The following RERG variants were observed in gnomAD, a reference collection of about 807,000 sequenced individuals.
RERG encodes ras-related and estrogen-regulated growth inhibitor.
Under a neutral mutation model 23.2 loss-of-function variants are expected in RERG, and 25 were observed. That is an observed-to-expected ratio of 1.08 (90% CI 0.79 to 1.50). The LOEUF is 1.50. Ranked by LOEUF, RERG falls within the 40% of genes most tolerant of loss-of-function variation. The pLI, the probability that RERG is intolerant of heterozygous loss-of-function variation, is 0.00. For synonymous variants in RERG, 81 were observed against 89.1 expected (o/e 0.91, Z 0.51); for missense variants, 253 against 250.1 (o/e 1.01, Z -0.08).
intron 1 of RERG, among the ~76,000 whole-genome samples, chr12:15,220,517 CTG>C (rs1865498534): frequency 6.6e-6 from 1 of 151,660 alleles, no homozygotes; most frequent in South Asian, 2.1e-4. Context: ...ATTTAGATAA[CTG>C]TAACCTTATT....
intron 2 of RERG, among the ~76,000 whole-genome samples, chr12:15,152,339 G>T (rs1301004173): frequency 6.6e-6 from 1 of 152,156 alleles, no homozygotes. Flanking sequence ...CTTAGATATG[G>T]ACTGATACTT....
chr12:15,152,092 A>C (rs1441769720), intron 2 of RERG: 1 of 152,204 alleles, frequency 6.6e-6, no homozygotes, highest in Admixed American at 6.5e-5. Flanking sequence ...TTTGTTTTGC[A>C]CTTAAAGTAC....
intron 2 of RERG, among the ~76,000 whole-genome samples, chr12:15,153,108 A>G (rs1189421610): frequency 6.6e-6 from 1 of 152,058 alleles, no homozygotes; most frequent in East Asian, 1.9e-4. Flanking sequence ...TCGCACCACA[A>G]TTTCCCTTAA....
intron 2 of RERG, chr12:15,137,978 T>G (rs1215522923): frequency 1.6e-5 from 6 of 383,618 alleles, no homozygotes; most frequent in Non-Finnish European, 2.6e-5. Context: ...CAATTTTTGT[T>G]GCCCAAGAAA....
At chr12:15,204,180 T>C (rs1207496283) in intron 2 of RERG, among the ~76,000 whole-genome samples, 1 of 151,750 alleles carries the variant, frequency 6.6e-6, no homozygotes, top group East Asian at 1.9e-4. Context: ...ATTACAATGC[T>C]ATAGTAATCA....
At chr12:15,141,224 C>T (rs1422482964) in intron 2 of RERG, among the ~76,000 whole-genome samples, 4 of 150,144 alleles carry the variant, frequency 2.7e-5, no homozygotes, top group Non-Finnish European at 5.9e-5. Context: ...GGAGCAGTCT[C>T]GGCTCACTGC....
At chr12:15,145,213 G>A (rs1355766421) in intron 2 of RERG, among the ~76,000 whole-genome samples, 1 of 152,176 alleles carries the variant, frequency 6.6e-6, no homozygotes, top group Admixed American at 6.5e-5. Context: ...ACTCTTTCTG[G>A]ACTAGGAAGA....
intron 2 of RERG, among the ~76,000 whole-genome samples, chr12:15,164,124 GCA>G (rs1421816664): frequency 6.6e-6 from 1 of 152,012 alleles, no homozygotes; most frequent in Admixed American, 6.6e-5. Flanking sequence ...CTAGCACAAG[GCA>G]CAGTTAATAA....
intron 1 of RERG, among the ~76,000 whole-genome samples, chr12:15,218,305 A>T (rs1395297352): frequency 6.6e-6 from 1 of 152,198 alleles, no homozygotes; most frequent in Non-Finnish European, 1.5e-5. Flanking sequence ...CTTGGGAAAT[A>T]ACATTATGTA....
chr12:15,155,775 C>A, intron 2 of RERG, among the ~76,000 whole-genome samples: 1 of 152,072 alleles, frequency 6.6e-6, no homozygotes, highest in Non-Finnish European at 1.5e-5. Flanking sequence ...TCCACTAGGG[C>A]TACCATGAAG....
rs186420082 is a variant in RERG, at chr12:15,212,997, G to T, written c.61+4432C>A. Among the ~76,000 whole-genome samples the T allele has an allele frequency of 5.3e-4, 81 of 152,310 alleles. 2 individuals carry two copies. The highest frequency in any genetic ancestry group is 4.8e-3 in the Admixed American group (73 of 15,292). ...CCACGGAAAAAAATATCACAAGCTT[G>T]TTTGTGTTTGGCATCCAGTTTATAG... On this transcript the variant is annotated intron_variant, in intron 2 of 4. Transcript: ENST00000256953.
chr12:15,135,768 T>C lies in RERG; in HGVS notation c.62-14649A>G, dbSNP rs147692750. 2.6e-3 allele frequency among the ~76,000 whole-genome samples: 391 copies of C among 152,268 alleles called. 5 individuals carry two copies. The East Asian group carries it at 0.031, about 12-fold the overall frequency. ...ATAAATTCCACTTGGTCATGGCATA[T>C]ACACCTTTTTATACATTGTTGGATT... On this transcript the variant is annotated intron_variant, in intron 2 of 4. Transcript: ENST00000256953.
intron 2 of RERG, among the ~76,000 whole-genome samples, chr12:15,161,092 G>C (rs549674327): frequency 6.7e-5 from 10 of 150,042 alleles, no homozygotes; most frequent in Admixed American, 4.7e-4. Flanking sequence ...CTGAGATCAC[G>C]CCATTGCACT....
chr12:15,155,912 C>G (rs1337381694), intron 2 of RERG, among the ~76,000 whole-genome samples: 3 of 150,872 alleles, frequency 2.0e-5, no homozygotes, highest in East Asian at 3.9e-4. Context: ...CAAATAAAAT[C>G]AACTATGATG....
intron 3 of RERG, among the ~76,000 whole-genome samples, chr12:15,117,681 AC>A (rs1822226249): frequency 6.9e-6 from 1 of 144,106 alleles, no homozygotes; most frequent in Non-Finnish European, 1.5e-5. Flanking sequence ...ACGCGCACAC[AC>A]ACACACACAC....
At chr12:15,127,247 C>T (rs1863964985) in intron 2 of RERG, among the ~76,000 whole-genome samples, 1 of 152,164 alleles carries the variant, frequency 6.6e-6, no homozygotes. Flanking sequence ...ATCTTTATGT[C>T]CCATGGCTGG....
At chr12:15,176,012 C>T (rs956006100) in intron 2 of RERG, among the ~76,000 whole-genome samples, 3 of 152,172 alleles carry the variant, frequency 2.0e-5, no homozygotes, top group Non-Finnish European at 2.9e-5. Context: ...AAGCAGTTTT[C>T]AGATTGTTAC....
At chr12:15,123,049 G>A (rs1430837354) in intron 2 of RERG, among the ~76,000 whole-genome samples, 1 of 151,894 alleles carries the variant, frequency 6.6e-6, no homozygotes, top group Non-Finnish European at 1.5e-5. Context: ...TGCCCACCTC[G>A]GCCTCCCAAA....
intron 4 of RERG, among the ~76,000 whole-genome samples, chr12:15,110,210 A>G (rs2136081623): frequency 6.6e-6 from 1 of 152,220 alleles, no homozygotes; most frequent in Admixed American, 6.5e-5. Flanking sequence ...ATTTGAAAAA[A>G]CATTGCTTTC....
Sources: gnomAD v4.1 joint callset for allele counts (sites outside exome capture counted in the v4.1 genomes callset) on GRCh38, gnomAD v4.1.1 for gene constraint, MANE v1.5 for transcripts, NCBI Gene and HGNC (gene_info 2026-07-23, HGNC 2026-07-21) for gene names.